Variants in CFAP54 observed in about 807,000 individuals in gnomAD.
The protein encoded by CFAP54 is cilia and flagella associated protein 54.
Under a neutral mutation model 370.4 loss-of-function variants are expected in CFAP54, and 290 were observed. The ratio of observed to expected loss-of-function variants is 0.78; its 90% confidence interval spans 0.71 to 0.86. The LOEUF (loss-of-function observed/expected upper bound fraction) is 0.86, where lower values mean the gene tolerates loss of function less well. Among genes scored for constraint, CFAP54 ranks in the 40% least tolerant of loss-of-function variants. The pLI, the probability that CFAP54 is intolerant of heterozygous loss-of-function variation, is 0.00. For synonymous variants in CFAP54, 1,206 were observed against 1,236.5 expected, an observed-to-expected ratio of 0.98 and a Z score of 0.52; for missense variants, 3,399 against 3,528.7, an observed-to-expected ratio of 0.96 and a Z score of 0.93.
At chr12:96,538,662 C>G in intron 13 of CFAP54, 144 bp downstream of exon 13, 1 of 759,444 alleles carries the variant, frequency 1.3e-6, no homozygotes, top group Non-Finnish European at 2.1e-6. Context: ...AGAAGATATT[C>G]TTTCTAGCGC....
At chr12:96,593,927 C>G (rs979838760) in intron 24 of CFAP54, among the ~76,000 whole-genome samples, 2 of 151,778 alleles carry the variant, frequency 1.3e-5, no homozygotes, top group African/African-American at 4.8e-5. Context: ...ACCTGTTAAT[C>G]AAATGGGGGC....
intron 62 of CFAP54, among the ~76,000 whole-genome samples, chr12:96,790,678 T>C (rs1958682215): frequency 6.6e-6 from 1 of 152,174 alleles, no homozygotes; most frequent in Admixed American, 6.5e-5. Flanking sequence ...GATTTTTTTT[T>C]GATGAACTGC....
In CFAP54 at chr12:96,817,818, G is replaced by C; in HGVS notation, c.9001G>C (p.Ala3001Pro). The C allele has an allele frequency of 6.6e-7, 1 of 1,509,964 alleles. No individual in the cohort carries two copies. The allele number at this position is 1,509,964 out of a possible 1,614,324, so 93.5% of individuals were successfully genotyped here. The change falls in exon 65 of 68, where the codon GCT (alanine) becomes CCT (proline). Residue 3001 changes from alanine (A) to proline (P), a missense_variant. Around this residue, in one of 3 missense-constraint regions of CFAP54, gnomAD observed 2,796 missense variants for 2,869.7 expected, o/e 0.97. Transcript: ENST00000524981. ...GAAATTATCTAATCTTGCTCAAATA[G>C]CTGAACTATCATTGCCAGCAGCTCC... is the stretch of plus-strand genomic sequence containing the variant. ...HEKLSNLAQI[A>P]ELSLPAAPEI...
chr12:96,709,906 G>A (rs1290271021), intron 48 of CFAP54, among the ~76,000 whole-genome samples: 2 of 151,980 alleles, frequency 1.3e-5, no homozygotes, highest in Non-Finnish European at 2.9e-5. Context: ...GGTTTTCGTA[G>A]AGATAGGGTT....
At chr12:96,531,126 CATT>C (rs1318917538) in intron 9 of CFAP54, among the ~76,000 whole-genome samples, 1 of 152,084 alleles carries the variant, frequency 6.6e-6, no homozygotes, top group Admixed American at 6.6e-5. Flanking sequence ...TTCTCCTCAT[CATT>C]ACTTCCCATT....
At chr12:96,503,641 A>G (rs574984679) in intron 2 of CFAP54, among the ~76,000 whole-genome samples, 2 of 152,150 alleles carry the variant, frequency 1.3e-5, no homozygotes, top group Non-Finnish European at 2.9e-5. Flanking sequence ...AAATATTCTC[A>G]TCCTTGTGGT....
chr12:96,764,229 G>T lies in CFAP54; in HGVS notation c.8119G>T (p.Ala2707Ser), dbSNP rs1958372340. 1 of 1,612,296 alleles carries T rather than the reference G, an allele frequency of 6.2e-7. No homozygotes were observed. The highest frequency in any genetic ancestry group is 8.5e-7 in the Non-Finnish European group (1 of 1,178,972). The change falls in exon 59 of 68, where the codon GCA becomes TCA. Residue 2707 changes from alanine (A) to serine (S), a missense_variant. Transcript: ENST00000524981. ...FEMYSSLAWI[A>S]IRAAAQVSEA... is the part of the protein sequence containing the mutation. The stretch of plus-strand genomic sequence containing the variant: ...AATGTACAGTTCATTAGCCTGGATT[G>T]CAATAAGAGCTGCTGCACAGGTTGG...
At chr12:96,648,889 A>T (rs1956828482) in intron 34 of CFAP54, among the ~76,000 whole-genome samples, 1 of 152,054 alleles carries the variant, frequency 6.6e-6, no homozygotes, top group Admixed American at 6.6e-5. Flanking sequence ...CGCCCGGCCG[A>T]AAACAGGGTT....
rs192617884 is a variant in CFAP54 at position 96,827,041 on chromosome 12, A to G, written c.9097-1973A>G. Among the ~76,000 whole-genome samples, 120 of 136,104 alleles carry G rather than the reference A, an allele frequency of 8.8e-4. 1 individual carries two copies. The East Asian group carries it at 0.012, about 14-fold the overall frequency. 89.3% of individuals were successfully genotyped at this position (136,104 alleles called of 152,430 possible). ...GCAATTATATGTGATTATATATAAT[A>G]TGCAATTATATGTGATTATATATAA... is the stretch of plus-strand genomic sequence containing the variant. On this transcript the variant is annotated intron_variant, in intron 65 of 67. Coordinates refer to ENST00000524981, the MANE Select transcript of CFAP54 (RefSeq NM_001306084.2).
chr12:96,684,916 G>T (rs1957309252), intron 41 of CFAP54, 113 bp from the exon 42 acceptor site: 5 of 1,029,688 alleles, frequency 4.9e-6, no homozygotes, highest in Non-Finnish European at 7.3e-6. Flanking sequence ...ATGTATTATA[G>T]TTATACGTAT....
rs561675036 is a variant in CFAP54, at chr12:96,822,401, A to G, written c.9096+4488A>G. 2.0e-4 allele frequency among the ~76,000 whole-genome samples: 30 copies of G among 152,342 alleles called. No individual in the cohort carries two copies. In the South Asian group the frequency reaches 6.2e-3, roughly 32 times the overall value. ...ATTGTAAGACTATTAAAATTAATAT[A>G]TAGGGAGTATATCCCAACTATTAAA... On this transcript the variant is annotated intron_variant, in intron 65 of 67. Coordinates refer to ENST00000524981, the MANE Select transcript of CFAP54 (RefSeq NM_001306084.2).
chr12:96,705,107 A>C (rs1024400026), intron 47 of CFAP54, among the ~76,000 whole-genome samples: 1 of 152,220 alleles, frequency 6.6e-6, no homozygotes, highest in East Asian at 1.9e-4. Context: ...GTGTTAGAGC[A>C]GAAGAGTTGT....
chr12:96,790,591 A>G (rs1054126598), intron 62 of CFAP54, among the ~76,000 whole-genome samples: 1 of 152,204 alleles, frequency 6.6e-6, no homozygotes, highest in African/African-American at 2.4e-5. Context: ...GTTTGCTAAA[A>G]TAGTTGTCAG....
intron 58 of CFAP54, among the ~76,000 whole-genome samples, chr12:96,759,929 G>T (rs1432199846): frequency 1.3e-5 from 2 of 152,120 alleles, no homozygotes; most frequent in Admixed American, 1.3e-4. Context: ...TTGTTAGTAG[G>T]TACTCAATAA....
chr12:96,728,787 T>G (rs1957877511), intron 50 of CFAP54, among the ~76,000 whole-genome samples: 1 of 152,124 alleles, frequency 6.6e-6, no homozygotes, highest in African/African-American at 2.4e-5. Context: ...TCTGCTCTGT[T>G]TTTTCCCCAT....
At position 96,663,923 on chromosome 12, in the gene CFAP54, A is replaced by C. The variant is rs144967447; in HGVS notation, c.5554A>C (p.Ile1852Leu). 8 of 1,611,352 alleles carry C rather than the reference A, an allele frequency of 5.0e-6. No homozygotes were observed. Among genetic ancestry groups the C allele is most frequent in the Non-Finnish European group, 5.1e-6 (6 of 1,178,026 alleles). The change falls in exon 39 of 68, where the codon ATC becomes CTC. Residue 1852 changes from isoleucine to leucine, a missense_variant. By Grantham distance (5) the Ile-to-Leu change is conservative (BLOSUM62 2). Coordinates refer to ENST00000524981, the MANE Select transcript of CFAP54 (RefSeq NM_001306084.2). ...CTGCACAGATTTGCTAAAAATGCTT[A>C]TCTCTTCAGGTCAGAACCAATCTTA... ...SNCTDLLKML[I>L]SSEYSRAKAL...
intron 66 of CFAP54, among the ~76,000 whole-genome samples, chr12:96,830,095 A>G (rs1189258068): frequency 4.6e-5 from 7 of 152,124 alleles, no homozygotes; most frequent in Non-Finnish European, 2.9e-5. Flanking sequence ...TTGTATGTAT[A>G]TACCACTTTT....
intron 50 of CFAP54, among the ~76,000 whole-genome samples, chr12:96,735,357 G>C (rs1957967583): frequency 6.6e-6 from 1 of 152,192 alleles, no homozygotes; most frequent in Non-Finnish European, 1.5e-5. Context: ...GGAAAGAAGA[G>C]TGGTCGCTCT....
At chr12:96,521,543 T>C (rs757182841) in intron 6 of CFAP54, among the ~76,000 whole-genome samples, 6 of 48,736 alleles carry the variant, frequency 1.2e-4, no homozygotes, top group African/African-American at 3.9e-4. Flanking sequence ...TGTGTGTGTG[T>C]GTGTGCGCGT....
Sources: allele counts gnomAD v4.1 joint callset (sites outside exome capture counted in the v4.1 genomes callset), GRCh38; gene constraint gnomAD v4.1.1; regional missense constraint gnomAD v4.1.1; transcripts MANE v1.5; gene names NCBI Gene and HGNC (gene_info 2026-07-23, HGNC 2026-07-21).